Variants in ATP13A5 observed in about 807,000 individuals in gnomAD.
The protein encoded by ATP13A5 is probable cation-transporting ATPase 13A5.
ATP13A5 carries 149 observed loss-of-function variants against 150.2 expected under a neutral mutation model. The ratio of observed to expected loss-of-function variants is 0.99; its 90% confidence interval spans 0.87 to 1.14. The LOEUF (loss-of-function observed/expected upper bound fraction) is 1.14, where lower values mean the gene tolerates loss of function less well. Ranked by LOEUF, ATP13A5 falls within the 50% of genes most tolerant of loss-of-function variation. ATP13A5 has a pLI of 0.00. For missense variants in ATP13A5, 1,383 were observed against 1,449.3 expected (o/e 0.95, Z 0.74); for synonymous variants, 497 against 522.2 (o/e 0.95, Z 0.66).
chr3:193,326,814 T>C (rs543531217), intron 13 of ATP13A5, among the ~76,000 whole-genome samples, 182 bp downstream of exon 13: 1 of 152,374 alleles, frequency 6.6e-6, no homozygotes, highest in East Asian at 1.9e-4. Context: ...AAGACCTACT[T>C]TTCCTTTCTC....
At chr3:193,364,430 C>G in intron 1 of ATP13A5, 150 bp from the exon 2 acceptor site, 1 of 878,152 alleles carries the variant, frequency 1.1e-6, no homozygotes, top group Non-Finnish European at 1.7e-6. Context: ...CTGCTTGCAG[C>G]TGTCCACTGA....
At chr3:193,276,178 A>C (rs1022338022) in intron 29 of ATP13A5, among the ~76,000 whole-genome samples, 4 of 152,224 alleles carry the variant, frequency 2.6e-5, no homozygotes, top group African/African-American at 9.6e-5. Flanking sequence ...AAAAAGTCTT[A>C]AAGCACATGA....
intron 14 of ATP13A5, chr3:193,324,016 T>C (rs1719382542): frequency 6.6e-6 from 1 of 152,300 alleles, no homozygotes; most frequent in East Asian, 1.9e-4. Flanking sequence ...TGGCTCTTCA[T>C]TGTGCTCAAA....
At chr3:193,292,255 C>G (rs905369110) in intron 25 of ATP13A5, among the ~76,000 whole-genome samples, 7 of 152,088 alleles carry the variant, frequency 4.6e-5, no homozygotes, top group African/African-American at 1.4e-4. Flanking sequence ...TTGGAGTTCT[C>G]TCTGTATTCC....
chr3:193,339,097 T>G (rs186731400), intron 9 of ATP13A5, among the ~76,000 whole-genome samples: 1 of 152,142 alleles, frequency 6.6e-6, no homozygotes, highest in Non-Finnish European at 1.5e-5. Flanking sequence ...TTATCATTTT[T>G]TATTGCATCT....
At chr3:193,297,629 G>T (rs574663288) in intron 25 of ATP13A5, among the ~76,000 whole-genome samples, 1 of 151,706 alleles carries the variant, frequency 6.6e-6, no homozygotes, top group Admixed American at 6.6e-5. Flanking sequence ...CCCTTCTGAG[G>T]TTTTTTTTCT....
intron 16 of ATP13A5, 116 bp from the exon 17 acceptor site, chr3:193,319,224 A>C (rs1287322900): frequency 4.2e-6 from 3 of 716,676 alleles, no homozygotes; most frequent in East Asian, 2.6e-5. Context: ...AAAGCACTTT[A>C]ATAGAAAACT....
chr3:193,321,645 A>G lies in ATP13A5; in HGVS notation c.1915+36T>C, dbSNP rs1413347886. 3.1e-6 allele frequency: 5 copies of G among 1,605,868 alleles called. No individual in the cohort carries two copies. The South Asian group carries it at 5.5e-5, about 18-fold the overall frequency. On this transcript the variant is annotated intron_variant, in intron 16 of 29. Coordinates refer to ENST00000342358, the MANE Select transcript of ATP13A5 (RefSeq NM_198505.4). The stretch of plus-strand genomic sequence containing the variant: ...GATTCTGTCTCAAAGAAAAAACAAA[A>G]GTATTTTACTTCTTGAAAGAGAAAA...
Position 193,301,196 on chromosome 3 carries a change from G to T in ATP13A5, c.2775+15C>A. ...AATGCAATTAGAACTGAGACAAAAT[G>T]ATTTTGTTTCATACCCAATAGAGCA... On this transcript the variant is annotated intron_variant, in intron 24 of 29. Transcript: ENST00000342358. 2 of 1,577,560 alleles carry T rather than the reference G, an allele frequency of 1.3e-6. No homozygotes were observed. Among genetic ancestry groups the T allele is most frequent in the Non-Finnish European group, 1.7e-6 (2 of 1,148,358 alleles).
At chr3:193,281,868 A>C (rs1020166053) in intron 27 of ATP13A5, among the ~76,000 whole-genome samples, 2 of 152,106 alleles carry the variant, frequency 1.3e-5, no homozygotes, top group African/African-American at 4.8e-5. Context: ...AATTCACTCA[A>C]TTCATGTAAA....
chr3:193,281,061 A>T (rs753254445), intron 27 of ATP13A5: 7 of 310,288 alleles, frequency 2.3e-5, no homozygotes, highest in Non-Finnish European at 3.3e-5. Flanking sequence ...AGCACGTCTC[A>T]GAAGTGCTTG....
At chr3:193,312,521 C>A (rs1294743337) in intron 19 of ATP13A5, among the ~76,000 whole-genome samples, 1 of 152,232 alleles carries the variant, frequency 6.6e-6, no homozygotes. Context: ...CCCTTTCCCT[C>A]CTTCCTTGCA....
intron 7 of ATP13A5, among the ~76,000 whole-genome samples, chr3:193,350,749 C>T (rs1324093440): frequency 6.6e-6 from 1 of 151,942 alleles, no homozygotes; most frequent in African/African-American, 2.4e-5. Context: ...GAGATGCTAC[C>T]CCTTCATTCT....
chr3:193,303,900 T>TAC (rs199888384), intron 23 of ATP13A5, among the ~76,000 whole-genome samples: 3,575 of 145,638 alleles, frequency 0.025, 109 homozygotes, highest in African/African-American at 0.079. Context: ...TACATACACA[T>TAC]ACACACACAC....
intron 14 of ATP13A5, 149 bp downstream of exon 14, chr3:193,324,715 G>A (rs1719408155): frequency 1.3e-6 from 1 of 784,334 alleles, no homozygotes; most frequent in Non-Finnish European, 2.0e-6. Context: ...TTCTTTGGGG[G>A]CACAGGTTGG....
At chr3:193,302,760 A>C (rs1049644791) in intron 23 of ATP13A5, among the ~76,000 whole-genome samples, 2 of 152,226 alleles carry the variant, frequency 1.3e-5, no homozygotes, top group African/African-American at 4.8e-5. Flanking sequence ...CGTGGATTTG[A>C]TCCTATGCAT....
In ATP13A5 at chr3:193,354,182, CCA is replaced by C. The variant is rs1712686347; in HGVS notation, c.549_550del (p.Cys183TrpfsTer6). On this transcript the variant is annotated frameshift_variant, in exon 6 of 30. Coordinates refer to ENST00000342358, the MANE Select transcript of ATP13A5 (RefSeq NM_198505.4). LOFTEE classifies it high-confidence loss of function. Reference sequence around the variant, plus strand: ...GATTTCAACCTCAATGGCGTTGGGCCCACACACTAATCTTCTGCGGGAAATTG... The same window carrying C: ...GATTTCAACCTCAATGGCGTTGGGCCCACACTAATCTTCTGCGGGAAATTG... The C allele has an allele frequency of 1.2e-6, 2 of 1,612,452 alleles. No homozygotes were observed. The highest frequency in any genetic ancestry group is 1.7e-6 in the Non-Finnish European group (2 of 1,179,566).
Position 193,274,899 on chromosome 3 carries a change from G to A in ATP13A5, c.*143C>T. 2.4e-6 allele frequency: 3 copies of A among 1,229,640 alleles called. No individual in the cohort carries two copies. The highest frequency in any genetic ancestry group is 2.2e-5 in the Admixed American group (1 of 44,472). The allele number at this position is 1,229,640 out of a possible 1,614,324, so 76.2% of individuals were successfully genotyped here. On this transcript the variant is annotated 3_prime_UTR_variant, in exon 30 of 30. Coordinates refer to ENST00000342358, the MANE Select transcript of ATP13A5 (RefSeq NM_198505.4). ...ATAAGCCTATCTAAGGTCCCTTGCT[G>A]CAAGGTTTAATTCATTGAAAATATA...
chr3:193,337,634 C>A (rs529979449), intron 9 of ATP13A5, among the ~76,000 whole-genome samples: 1 of 152,256 alleles, frequency 6.6e-6, no homozygotes, highest in South Asian at 2.1e-4. Flanking sequence ...ATTACTGTAG[C>A]CTTGTAGTAT....
Sources: allele counts gnomAD v4.1 joint callset (sites outside exome capture counted in the v4.1 genomes callset), GRCh38; gene constraint gnomAD v4.1.1; transcripts MANE v1.5; gene names NCBI Gene and HGNC (gene_info 2026-07-23, HGNC 2026-07-21).